MAP4K5: variants seen among roughly 807,000 people sequenced by gnomAD.
The protein encoded by MAP4K5 is mitogen-activated protein kinase kinase kinase kinase 5.
MAP4K5 carries 82 observed loss-of-function variants against 135.6 expected under a neutral mutation model. The ratio of observed to expected loss-of-function variants is 0.60; its 90% CI spans 0.51 to 0.73. MAP4K5 has a LOEUF of 0.73. MAP4K5 is among the 30% of genes least tolerant of loss of function. The pLI is 0.00. For synonymous variants in MAP4K5, 347 were observed against 335.0 expected, an observed-to-expected ratio of 1.04 and a Z score of -0.39; for missense variants, 907 against 1,010.9, an observed-to-expected ratio of 0.90 and a Z score of 1.39.
chr14:50,478,033 T>C lies in MAP4K5; in HGVS notation c.379-1727A>G, dbSNP rs1357018462. Among the ~76,000 whole-genome samples the C allele has an allele frequency of 5.3e-5, 8 of 152,276 alleles. No homozygotes were observed. In the East Asian group the frequency reaches 1.5e-3, roughly 29 times the overall value. On this transcript the variant is annotated intron_variant, in intron 6 of 32. Transcript: ENST00000682126. ...AGATAGGTATATATAGGATTGGCAT[T>C]ATTTCTTTCTTATATGTCTGGTAGA...
chr14:50,436,400 G>C (rs2036093450), intron 26 of MAP4K5, among the ~76,000 whole-genome samples: 2 of 152,060 alleles, frequency 1.3e-5, no homozygotes, highest in Non-Finnish European at 2.9e-5. Flanking sequence ...TTCAGGGTGG[G>C]GACTGGCTGC....
At chr14:50,438,566 A>C (rs1214397663) in intron 23 of MAP4K5, among the ~76,000 whole-genome samples, 1 of 152,134 alleles carries the variant, frequency 6.6e-6, no homozygotes. Flanking sequence ...TATAATAAAA[A>C]ATATGGCTGT....
intron 3 of MAP4K5, among the ~76,000 whole-genome samples, chr14:50,498,502 C>A (rs956436712): frequency 6.6e-6 from 1 of 152,118 alleles, no homozygotes; most frequent in Non-Finnish European, 1.5e-5. Flanking sequence ...AATTAATAAA[C>A]GCGATTTTCT....
At chr14:50,428,571 G>GAC in intron 30 of MAP4K5, 91 bp downstream of exon 30, 1 of 694,074 alleles carries the variant, frequency 1.4e-6, no homozygotes, top group Non-Finnish European at 2.3e-6. Context: ...ATTTCTGTGA[G>GAC]ACAGTGCTGG....
chr14:50,445,113 T>C lies in MAP4K5; in HGVS notation c.1267A>G (p.Ser423Gly), dbSNP rs755089649. The C allele has an allele frequency of 1.5e-5, 24 of 1,613,642 alleles. No homozygotes were observed. Among genetic ancestry groups the C allele is most frequent in the Middle Eastern group, 1.6e-4 (1 of 6,080 alleles). ...STIKHCPDSESRAPQILRRQS... is the reference protein window; with the variant it reads ...STIKHCPDSEGRAPQILRRQS... ...CTTCTGAGAATTTGGGGAGCTCTGC[T>C]TTCTGAATCAGGACAATGTTTTATG... The change falls in exon 18 of 33, where the codon AGC (serine) becomes GGC (glycine). Residue 423 changes from serine to glycine, a missense_variant. Around this residue, in one of 3 missense-constraint regions of MAP4K5, gnomAD observed 690 missense variants for 777.4 expected, o/e 0.89. Coordinates refer to ENST00000682126, the MANE Select transcript of MAP4K5 (RefSeq NM_006575.6).
At chr14:50,537,604 G>A (rs533516978), upstream of MAP4K5, among the ~76,000 whole-genome samples, 72 of 152,348 alleles carry the variant, frequency 4.7e-4, no homozygotes, top group African/African-American at 1.6e-3. Flanking sequence ...GCCAGAGGGA[G>A]GCTGTACCCT....
chr14:50,495,993 C>T (rs556307501), intron 3 of MAP4K5, among the ~76,000 whole-genome samples: 58 of 152,122 alleles, frequency 3.8e-4, no homozygotes, highest in African/African-American at 1.3e-3. Context: ...TTCACAACAA[C>T]GCAAATATAG....
chr14:50,524,429 T>C (rs1333383590), intron 2 of MAP4K5, among the ~76,000 whole-genome samples: 1 of 152,194 alleles, frequency 6.6e-6, no homozygotes, highest in Non-Finnish European at 1.5e-5. Flanking sequence ...TACTAGGCAA[T>C]ATACTAGTAC....
chr14:50,466,431 T>C (rs2036836661), intron 11 of MAP4K5, among the ~76,000 whole-genome samples, 152 bp downstream of exon 11: 1 of 151,288 alleles, frequency 6.6e-6, no homozygotes, highest in Non-Finnish European at 1.5e-5. Context: ...TCTAGATCCT[T>C]GCCATAGGTC....
chr14:50,560,077 T>C (rs1273795340), intron 1 of MAP4K5: 3 of 655,596 alleles, frequency 4.6e-6, no homozygotes, highest in Non-Finnish European at 8.1e-6. Flanking sequence ...GATGCTGAGC[T>C]TGGTTCATCT....
chr14:50,509,515 G>A lies in MAP4K5; in HGVS notation c.109-4658C>T, dbSNP rs201878243. Reference sequence around the variant, plus strand: ...CTCCGTGATAATTTTCAATGTAACAGAAGGTGAACTATTACACATTTAATG... The same window carrying A: ...CTCCGTGATAATTTTCAATGTAACAAAAGGTGAACTATTACACATTTAATG... On this transcript the variant is annotated intron_variant, in intron 2 of 32. Coordinates refer to ENST00000682126, the MANE Select transcript of MAP4K5 (RefSeq NM_006575.6). 3.6e-4 allele frequency among the ~76,000 whole-genome samples: 55 copies of A among 152,138 alleles called. No homozygotes were observed. The East Asian group carries it at 9.6e-3, about 27-fold the overall frequency.
At chr14:50,476,717 C>T (rs1382479720) in intron 6 of MAP4K5, among the ~76,000 whole-genome samples, 1 of 152,242 alleles carries the variant, frequency 6.6e-6, no homozygotes, top group Non-Finnish European at 1.5e-5. Flanking sequence ...CCGCCTCAGC[C>T]TCCCAAAGTG....
chr14:50,472,959 A>G (rs959058264), intron 9 of MAP4K5, among the ~76,000 whole-genome samples: 1 of 152,208 alleles, frequency 6.6e-6, no homozygotes, highest in African/African-American at 2.4e-5. Flanking sequence ...TCAGTGGCTC[A>G]TTCTTAATGA....
chr14:50,438,283 C>T (rs144487043), intron 23 of MAP4K5, 189 bp from the exon 24 acceptor site: 32 of 349,590 alleles, frequency 9.2e-5, no homozygotes, highest in Admixed American at 2.7e-4. Flanking sequence ...TTAATGATGC[C>T]AGCACACAAA....
At chr14:50,424,538 C>A (rs1288197417) in intron 31 of MAP4K5, among the ~76,000 whole-genome samples, 2 of 151,738 alleles carry the variant, frequency 1.3e-5, no homozygotes, top group African/African-American at 2.4e-5. Flanking sequence ...GGTGAAATCC[C>A]ATCTCTACTA....
chr14:50,479,078 T>C (rs2139892421), intron 6 of MAP4K5, among the ~76,000 whole-genome samples: 1 of 151,878 alleles, frequency 6.6e-6, no homozygotes, highest in African/African-American at 2.4e-5. Context: ...TGGGCCCATA[T>C]TAATAGTTAT....
upstream of MAP4K5, among the ~76,000 whole-genome samples, chr14:50,535,502 T>A (rs1595561563): frequency 6.6e-6 from 1 of 152,262 alleles, no homozygotes; most frequent in Non-Finnish European, 1.5e-5. Flanking sequence ...GCTCTATAGA[T>A]CTGTTAAACA....
chr14:50,430,212 C>T (rs2035938624), intron 28 of MAP4K5, among the ~76,000 whole-genome samples: 1 of 152,130 alleles, frequency 6.6e-6, no homozygotes, highest in South Asian at 2.1e-4. Flanking sequence ...AGAAGTACTT[C>T]TTTCTGATTA....
rs2036778291 is a variant in MAP4K5 at position 50,464,131 on chromosome 14, G to A, written c.740C>T (p.Ser247Leu). Residue 247 changes from serine to leucine, a missense_variant and splice_region_variant, in exon 12 of 33, where the codon TCA becomes TTA. Ser to Leu is a moderately radical substitution (Grantham distance 145). Coordinates refer to ENST00000682126, the MANE Select transcript of MAP4K5 (RefSeq NM_006575.6). ...TTTGACAAAATTATGGAATGTTGAT[G>A]ACCTTAAAATAAAAAGAGACGTACA... ...PPKLKDKTKW[S>L]STFHNFVKIA... 1.4e-6 allele frequency: 2 copies of A among 1,480,944 alleles called. No individual in the cohort carries two copies. The highest frequency in any genetic ancestry group is 1.2e-5 in the South Asian group (1 of 81,648). 91.7% of individuals were successfully genotyped at this position (1,480,944 alleles called of 1,614,324 possible).
Sources: allele counts gnomAD v4.1 joint callset (sites outside exome capture counted in the v4.1 genomes callset), GRCh38; gene constraint gnomAD v4.1.1; regional missense constraint gnomAD v4.1.1; transcripts MANE v1.5; gene names NCBI Gene and HGNC (gene_info 2026-07-23, HGNC 2026-07-21).